The following VARS2 variants were observed in gnomAD, a reference collection of about 807,000 sequenced individuals.
VARS2 encodes the protein valyl-tRNA synthetase 2, mitochondrial.
In VARS2, 105 loss-of-function variants were observed where a neutral mutation model predicts 154.1. That is an observed-to-expected ratio of 0.68 (90% CI 0.58 to 0.80). The LOEUF (loss-of-function observed/expected upper bound fraction) is 0.80, where lower values mean the gene tolerates loss of function less well. Among genes scored for constraint, VARS2 ranks in the 30% least tolerant of loss-of-function variants. The pLI is 0.00. For missense variants in VARS2, 1,157 were observed against 1,361.4 expected (o/e 0.85, Z 2.36); for synonymous variants, 483 against 539.5 (o/e 0.90, Z 1.45).
chr6:30,923,601 A>C, intron 25 of VARS2, 96 bp downstream of exon 25: 1 of 1,509,940 alleles, frequency 6.6e-7, no homozygotes, highest in Non-Finnish European at 8.9e-7. Flanking sequence ...ATAAGTTCCC[A>C]ATTGTCCCCT....
In VARS2 at chr6:30,916,465, T is replaced by TGTGTGG. The variant is rs1554266679; in HGVS notation, c.671+221_671+222insGGTGTG. 1.0e-5 allele frequency: 4 copies of TGTGTGG among 389,652 alleles called. No individual in the cohort carries two copies. The highest frequency in any genetic ancestry group is 4.4e-6 in the Non-Finnish European group (1 of 228,570). 24.1% of individuals were successfully genotyped at this position (389,652 alleles called of 1,614,324 possible). A position where few individuals can be genotyped will look rare whatever the true frequency, so the allele number is the denominator to read the frequency against. ...GCATTAGAATATTCGTGTGTGTGTG[T>TGTGTGG]GTGTGTGTGTGTATTTATATATATA... On this transcript the variant is annotated intron_variant, in intron 7 of 29. Coordinates refer to ENST00000676266, the MANE Select transcript of VARS2 (RefSeq NM_020442.6). The surrounding 1 kb of genome is among the most constrained non-coding windows in gnomAD (Gnocchi z 4.0).
In VARS2 at chr6:30,914,255, G is replaced by A. The variant is rs1793985156; in HGVS notation, c.-117G>A. 2.5e-6 allele frequency: 2 copies of A among 786,028 alleles called. No individual in the cohort carries two copies. Among genetic ancestry groups the A allele is most frequent in the South Asian group, 6.0e-5 (1 of 16,676 alleles). 48.7% of individuals were successfully genotyped at this position (786,028 alleles called of 1,614,324 possible). A position where few individuals can be genotyped will look rare whatever the true frequency, so the allele number is the denominator to read the frequency against. On this transcript the variant is annotated 5_prime_UTR_variant, in exon 1 of 30. Coordinates refer to ENST00000676266, the MANE Select transcript of VARS2 (RefSeq NM_020442.6). ...GGGGCCCCGCCCCCATGCGCCGCGC[G>A]GCTCCAGGGCCACGTTCCAGGGTCG...
chr6:30,922,594 G>T (rs757623831), intron 21 of VARS2, 40 bp downstream of exon 21: 4 of 1,559,584 alleles, frequency 2.6e-6, no homozygotes, highest in Non-Finnish European at 3.5e-6. Context: ...AGGTTTGCAG[G>T]GTTTGCAGGA....
At chr6:30,918,628 G>T in intron 10 of VARS2, 199 bp from the exon 11 acceptor site, 1 of 706,568 alleles carries the variant, frequency 1.4e-6, no homozygotes. Context: ...GACCCTCTCA[G>T]ACCTCTGGTC....
rs1794403110 is a variant in VARS2 at position 30,919,990 on chromosome 6, A to G, written c.1166-99A>G. 3.6e-6 allele frequency: 2 copies of G among 562,238 alleles called. No individual in the cohort carries two copies. Among genetic ancestry groups the G allele is most frequent in the African/African-American group, 4.4e-5 (2 of 45,374 alleles). The allele number at this position is 562,238 out of a possible 1,614,324, so 34.8% of individuals were successfully genotyped here. ...GAATGGGAGGGAGGCACAGACAGAG[A>G]AAGTCGCAGGGGCTGGGGCGGTGCA... On this transcript the variant is annotated intron_variant, in intron 12 of 29. Coordinates refer to ENST00000676266, the MANE Select transcript of VARS2 (RefSeq NM_020442.6). This position sits in a 1 kb window ranked among gnomAD's most constrained non-coding sequence, Gnocchi z 4.5.
chr6:30,922,120 C>T lies in VARS2; in HGVS notation c.1811C>T (p.Pro604Leu). Reference protein sequence around the residue: ...FSALGWPQETPDLARFYPLSL... With the variant: ...FSALGWPQETLDLARFYPLSL... ...TACTGCTCCTCTTCCCCCTAGACCC[C>T]AGACCTTGCTCGTTTCTACCCCCTG... Residue 604 changes from proline (P) to leucine (L), a missense_variant, in exon 20 of 30, where the codon CCA (proline) becomes CTA (leucine). Physicochemically the swap from Pro to Leu is moderately conservative, Grantham distance 98. Transcript: ENST00000676266. The T allele has an allele frequency of 1.2e-6, 2 of 1,612,780 alleles. No individual in the cohort carries two copies. Among genetic ancestry groups the T allele is most frequent in the Non-Finnish European group, 8.5e-7 (1 of 1,179,910 alleles).
rs1419190692 is a variant in VARS2, at chr6:30,921,251, G to A, written c.1578G>A (p.Gln526=). 2 of 1,614,162 alleles carry A rather than the reference G, an allele frequency of 1.2e-6. No homozygotes were observed. Among genetic ancestry groups the A allele is most frequent in the Non-Finnish European group, 1.7e-6 (2 of 1,180,026 alleles). ...SHIGDWCVSR[Q]LWWGHQIPAY... Reference sequence around the variant, plus strand: ...GCAGGGACTGGTGTGTCTCCCGGCAGCTGTGGTGGGGCCATCAGATTCCAG... The same window carrying A: ...GCAGGGACTGGTGTGTCTCCCGGCAACTGTGGTGGGGCCATCAGATTCCAG... Residue 526 remains glutamine, a synonymous_variant, in exon 17 of 30, where the codon CAG becomes CAA. Transcript: ENST00000676266. This position sits in a 1 kb window ranked among gnomAD's most constrained non-coding sequence, Gnocchi z 4.6.
At position 30,917,124 on chromosome 6, in the gene VARS2, C is replaced by T. The variant is rs1794226139; in HGVS notation, c.773C>T (p.Thr258Ile). 3 of 1,614,058 alleles carry T rather than the reference C, an allele frequency of 1.9e-6. No individual in the cohort carries two copies. Among genetic ancestry groups the T allele is most frequent in the African/African-American group, 1.3e-5 (1 of 74,914 alleles). ...TTCCAGGGCTCCTCAGTGGCTGTGACTGAAGCTTTTGTGCGGCTCTACAAG... is the reference window on the plus strand; with the variant it reads ...TTCCAGGGCTCCTCAGTGGCTGTGATTGAAGCTTTTGTGCGGCTCTACAAG... Reference protein sequence around the residue: ...TMDVGSSVAVTEAFVRLYKAG... With the variant: ...TMDVGSSVAVIEAFVRLYKAG... The change falls in exon 9 of 30, where the codon ACT becomes ATT. Residue 258 changes from threonine to isoleucine, a missense_variant. Thr to Ile is a moderately conservative substitution (Grantham distance 89, BLOSUM62 -1). Coordinates refer to ENST00000676266, the MANE Select transcript of VARS2 (RefSeq NM_020442.6). This position sits in a 1 kb window ranked among gnomAD's most constrained non-coding sequence, Gnocchi z 4.4.
chr6:30,914,339 C>CAA lies in VARS2; in HGVS notation c.-33_-32insAA. On this transcript the variant is annotated 5_prime_UTR_variant, in exon 1 of 30. The change abolishes the stop of an existing upstream ORF in the 5' untranslated region. Transcript: ENST00000676266. Reference sequence around the variant, plus strand: ...GGGCGCCCTGGGATAGCGGCGGGGCCTCCTGGTGAGCGCGCGCCGGGGCGG... The same window carrying CAA: ...GGGCGCCCTGGGATAGCGGCGGGGCCAATCCTGGTGAGCGCGCGCCGGGGCGG... The CAA allele has an allele frequency of 8.1e-7, 1 of 1,231,334 alleles. No individual in the cohort carries two copies. Among genetic ancestry groups the CAA allele is most frequent in the Non-Finnish European group, 1.0e-6 (1 of 982,610 alleles). 76.3% of individuals were successfully genotyped at this position (1,231,334 alleles called of 1,614,324 possible). A position where few individuals can be genotyped will look rare whatever the true frequency, so the allele number is the denominator to read the frequency against.
chr6:30,926,036 C>A (rs1442360255), intron 29 of VARS2, 28 bp downstream of exon 29: 2 of 1,613,022 alleles, frequency 1.2e-6, no homozygotes, highest in Non-Finnish European at 1.7e-6. Context: ...CCCCAGAAGG[C>A]TCCACCCCTG....
chr6:30,922,101 T>C lies in VARS2; in HGVS notation c.1807-15T>C. 1 of 1,612,190 alleles carries C rather than the reference T, an allele frequency of 6.2e-7. No homozygotes were observed. Among genetic ancestry groups the C allele is most frequent in the Non-Finnish European group, 8.5e-7 (1 of 1,179,716 alleles). On this transcript the variant is annotated splice_polypyrimidine_tract_variant and intron_variant, in intron 19 of 29. Transcript: ENST00000676266. ...GCCTGGGGCCTGGGCCTCTTACTGC[T>C]CCTCTTCCCCCTAGACCCCAGACCT...
chr6:30,925,171 G>A (rs1306100128), intron 26 of VARS2, 103 bp from the exon 27 acceptor site: 6 of 747,404 alleles, frequency 8.0e-6, no homozygotes, highest in Non-Finnish European at 1.3e-5. Context: ...AGATCTCATT[G>A]CCCTAAGGAG....
chr6:30,917,558 G>A lies in VARS2; in HGVS notation c.874-137G>A. On this transcript the variant is annotated intron_variant, in intron 9 of 29. Coordinates refer to ENST00000676266, the MANE Select transcript of VARS2 (RefSeq NM_020442.6). This position sits in a 1 kb window ranked among gnomAD's most constrained non-coding sequence, Gnocchi z 4.4. The stretch of plus-strand genomic sequence containing the variant: ...CGAGCATTGGGTGAGGGCAGAGGGA[G>A]GTAGCTCCCGAATCCTCCAAATGGC... The A allele has an allele frequency of 1.2e-6, 1 of 813,060 alleles. No individual in the cohort carries two copies. Among genetic ancestry groups the A allele is most frequent in the Admixed American group, 2.9e-5 (1 of 34,624 alleles). 50.4% of individuals were successfully genotyped at this position (813,060 alleles called of 1,614,324 possible). A position where few individuals can be genotyped will look rare whatever the true frequency, so the allele number is the denominator to read the frequency against.
Position 30,920,431 on chromosome 6 carries a change from C to T in VARS2, c.1392C>T (p.Ile464=), listed in dbSNP as rs1794437020. Residue 464 remains isoleucine, a synonymous_variant, in exon 14 of 30, where the codon ATC becomes ATT. Transcript: ENST00000676266. The surrounding 1 kb of genome is among the most constrained non-coding windows in gnomAD (Gnocchi z 4.6). ...AGAACCACCCCATGGTACTGCCCAT[C>T]TGCAGGTAACCTCATTTTAACTCCT... ...GLQNHPMVLP[I]CSRSGDVIEY... The T allele has an allele frequency of 6.2e-7, 1 of 1,605,206 alleles. No homozygotes were observed. Among genetic ancestry groups the T allele is most frequent in the Admixed American group, 1.7e-5 (1 of 57,718 alleles).
In VARS2 at chr6:30,919,711, C is replaced by A; in HGVS notation, c.1075-47C>A. The stretch of plus-strand genomic sequence containing the variant: ...TTCTCACGCCCCAGCCCAGACCCTT[C>A]CAACCCTCACAGGTGCCTGTCCTTG... On this transcript the variant is annotated intron_variant, in intron 11 of 29. Transcript: ENST00000676266. The surrounding 1 kb of genome is among the most constrained non-coding windows in gnomAD (Gnocchi z 4.5). The A allele has an allele frequency of 1.4e-6, 2 of 1,480,286 alleles. No homozygotes were observed. The highest frequency in any genetic ancestry group is 1.8e-6 in the Non-Finnish European group (2 of 1,102,878). The allele number at this position is 1,480,286 out of a possible 1,614,324, so 91.7% of individuals were successfully genotyped here.
In VARS2 at chr6:30,920,133, A is replaced by T. The variant is rs934216361; in HGVS notation, c.1210A>T (p.Met404Leu). Residue 404 changes from methionine to leucine, a missense_variant, in exon 13 of 30, where the codon ATG becomes TTG. By Grantham distance (15) the Met-to-Leu change is conservative. Transcript: ENST00000676266. This position sits in a 1 kb window ranked among gnomAD's most constrained non-coding sequence, Gnocchi z 4.6. The part of the protein sequence containing the change: ...TPAHSPADAE[M>L]GARHGLSPLN... ...AGCTCACAGTCCTGCCGATGCTGAGATGGGGGCCCGACATGGCTTGAGCCC... is the reference window on the plus strand; with the variant it reads ...AGCTCACAGTCCTGCCGATGCTGAGTTGGGGGCCCGACATGGCTTGAGCCC... The T allele has an allele frequency of 1.3e-6, 2 of 1,585,980 alleles. No individual in the cohort carries two copies. The highest frequency in any genetic ancestry group is 1.2e-5 in the South Asian group (1 of 86,424).
Position 30,921,919 on chromosome 6 carries a change from T to A in VARS2, c.1736-6T>A. ...CAACTGTCCCCATTCTTTTTCTGTT[T>A]CCCAGATCCTGATGTCCTAGACACA... is the stretch of plus-strand genomic sequence containing the variant. On this transcript the variant is annotated splice_polypyrimidine_tract_variant and splice_region_variant and intron_variant, in intron 18 of 29. Coordinates refer to ENST00000676266, the MANE Select transcript of VARS2 (RefSeq NM_020442.6). This position sits in a 1 kb window ranked among gnomAD's most constrained non-coding sequence, Gnocchi z 4.6. The A allele has an allele frequency of 6.2e-7, 1 of 1,613,010 alleles. No homozygotes were observed. The highest frequency in any genetic ancestry group is 8.5e-7 in the Non-Finnish European group (1 of 1,180,000).
At chr6:30,922,798 C>A (rs773946996) in intron 22 of VARS2, 24 bp downstream of exon 22, 10 of 1,596,470 alleles carry the variant, frequency 6.3e-6, no homozygotes, top group Admixed American at 3.4e-5. Flanking sequence ...GCCTGCCCCC[C>A]ACCAGCTCTA....
chr6:30,916,731 TC>T lies in VARS2; in HGVS notation c.672-145del, dbSNP rs1794200787. 4 of 730,376 alleles carry T rather than the reference TC, an allele frequency of 5.5e-6. No individual in the cohort carries two copies. The South Asian group carries it at 6.9e-5, about 13-fold the overall frequency. The allele number at this position is 730,376 out of a possible 1,614,324, so 45.2% of individuals were successfully genotyped here. On this transcript the variant is annotated intron_variant, in intron 7 of 29. Transcript: ENST00000676266. The surrounding 1 kb of genome is among the most constrained non-coding windows in gnomAD (Gnocchi z 4.0). The stretch of plus-strand genomic sequence containing the variant: ...GAAAACCCCATACTGGGTTTGTAAG[TC>T]CATTTCTATTAGCCTCTAGAGGCTA...
Sources: allele counts gnomAD v4.1 joint callset, GRCh38; gene constraint gnomAD v4.1.1; non-coding constraint Gnocchi (gnomAD v3.1); transcripts MANE v1.5; gene names NCBI Gene and HGNC (gene_info 2026-07-23, HGNC 2026-07-21).